FANK1: variants seen among roughly 807,000 people sequenced by gnomAD.
FANK1 encodes the protein fibronectin type 3 and ankyrin repeat domains protein 1.
FANK1 carries 44 observed loss-of-function variants against 45.3 expected under a neutral mutation model. That is an observed-to-expected ratio of 0.97 (90% CI 0.76 to 1.25). The LOEUF is 1.25. Among genes scored for constraint, FANK1 ranks in the 50% most tolerant of loss-of-function variants. FANK1 has a pLI of 0.00. For missense variants in FANK1, 391 were observed against 424.4 expected, an observed-to-expected ratio of 0.92 and a Z score of 0.69; for synonymous variants, 149 against 152.5, an observed-to-expected ratio of 0.98 and a Z score of 0.17.
intron 1 of FANK1, among the ~76,000 whole-genome samples, chr10:125,929,223 G>A (rs779042918): frequency 1.3e-5 from 2 of 152,212 alleles, no homozygotes; most frequent in African/African-American, 2.4e-5. Flanking sequence ...GACAAGCTAT[G>A]GGAGAGCGAG....
chr10:125,994,506 T>A, intron 3 of FANK1: 1 of 985,350 alleles, frequency 1.0e-6, no homozygotes. Context: ...TGGGGCTGTA[T>A]CCACTGACGA....
chr10:125,993,769 G>C (rs1364129130), intron 3 of FANK1, among the ~76,000 whole-genome samples: 2 of 152,172 alleles, frequency 1.3e-5, no homozygotes, highest in African/African-American at 2.4e-5. Flanking sequence ...TGTGTAGAAT[G>C]ATGAAAAGGA....
At chr10:125,931,389 A>AT (rs1947742094) in intron 1 of FANK1, among the ~76,000 whole-genome samples, 1 of 151,958 alleles carries the variant, frequency 6.6e-6, no homozygotes, top group Non-Finnish European at 1.5e-5. Flanking sequence ...CTGTTTTTTG[A>AT]TTTTTTGATT....
At chr10:125,958,118 A>T (rs1949697423) in intron 1 of FANK1, among the ~76,000 whole-genome samples, 1 of 152,138 alleles carries the variant, frequency 6.6e-6, no homozygotes, top group Admixed American at 6.5e-5. Context: ...TAGTCATTCT[A>T]CAGTACTGTA....
chr10:126,002,763 C>CTTTT (rs375158618), intron 6 of FANK1, among the ~76,000 whole-genome samples: 8 of 113,202 alleles, frequency 7.1e-5, no homozygotes, highest in East Asian at 2.6e-4. Context: ...TTTGCCTCTC[C>CTTTT]TTTTTTTTTT....
At chr10:125,988,830 C>A in intron 3 of FANK1, 155 bp downstream of exon 3, 1 of 1,160,620 alleles carries the variant, frequency 8.6e-7, no homozygotes, top group East Asian at 2.4e-5. Flanking sequence ...TGGGCCTTGC[C>A]ATAACTTGTA....
chr10:125,990,740 A>G (rs182561363), intron 3 of FANK1, among the ~76,000 whole-genome samples: 24 of 152,270 alleles, frequency 1.6e-4, no homozygotes, highest in Non-Finnish European at 3.4e-4. Context: ...GTGTGTTCTC[A>G]CACTGCTAAT....
At chr10:125,988,401 T>G in intron 2 of FANK1, 150 bp from the exon 3 acceptor site, 1 of 1,102,764 alleles carries the variant, frequency 9.1e-7, no homozygotes, top group Non-Finnish European at 1.3e-6. Context: ...GACTTGTCCT[T>G]CATTCTCTCG....
At chr10:125,963,703 T>A (rs1950054082) in intron 1 of FANK1, among the ~76,000 whole-genome samples, 1 of 151,914 alleles carries the variant, frequency 6.6e-6, no homozygotes, top group South Asian at 2.1e-4. Context: ...TGAGAACACT[T>A]GAACACAGGA....
intron 1 of FANK1, among the ~76,000 whole-genome samples, chr10:125,902,639 C>T (rs567474058): frequency 5.8e-4 from 89 of 152,268 alleles, no homozygotes; most frequent in African/African-American, 2.0e-3. Context: ...CTAACCTAAA[C>T]GAGATGTTTT....
Position 125,972,893 on chromosome 10 carries a change from AACAC to A in FANK1, c.14-7231_14-7228del, listed in dbSNP as rs150851164. On this transcript the variant is annotated intron_variant, in intron 1 of 10. Transcript: ENST00000368693. ...TACATTTGGATCACTACCTGCCCCC[AACAC>A]ACACACACACACACACACACACACA... 861 of 142,392 alleles carry A rather than the reference AACAC, an allele frequency of 6.0e-3. 11 individuals carry two copies. The highest frequency in any genetic ancestry group is 0.058 in the East Asian group (275 of 4,736). 8.8% of individuals were successfully genotyped at this position (142,392 alleles called of 1,614,324 possible). A position where few individuals can be genotyped will look rare whatever the true frequency, so the allele number is the denominator to read the frequency against.
chr10:125,999,793 G>A (rs539897623), intron 6 of FANK1, among the ~76,000 whole-genome samples: 13 of 152,242 alleles, frequency 8.5e-5, no homozygotes, highest in South Asian at 2.1e-4. Context: ...TGAAAAATGC[G>A]TTAAAACAGT....
chr10:125,969,630 AT>A lies in FANK1; in HGVS notation c.14-10523del, dbSNP rs554188002. On this transcript the variant is annotated intron_variant, in intron 1 of 10. Coordinates refer to ENST00000368693, the MANE Select transcript of FANK1 (RefSeq NM_145235.5). ...CTTTTGAATTTTTCTTTTTTTTTAAATTTTTTTTAGTATTTATTGATCATTC... is the reference window on the plus strand; with the variant it reads ...CTTTTGAATTTTTCTTTTTTTTTAAATTTTTTTAGTATTTATTGATCATTC... Among the ~76,000 whole-genome samples, 250 of 152,028 alleles carry A rather than the reference AT, an allele frequency of 1.6e-3. 1 individual carries two copies. The highest frequency in any genetic ancestry group is 9.2e-3 in the South Asian group (44 of 4,802).
intron 1 of FANK1, among the ~76,000 whole-genome samples, chr10:125,948,197 T>TA (rs1381938764): frequency 4.1e-5 from 6 of 146,544 alleles, no homozygotes; most frequent in Admixed American, 4.1e-4. Context: ...ACATCACAAT[T>TA]AAAAGAACTA....
chr10:125,989,499 C>CA, intron 3 of FANK1: 2 of 864,854 alleles, frequency 2.3e-6, no homozygotes, highest in Non-Finnish European at 3.8e-6. Flanking sequence ...TTCTTCATTA[C>CA]AAGTTTTGTG....
chr10:125,982,511 C>A (rs1247040919), intron 2 of FANK1, among the ~76,000 whole-genome samples: 4 of 152,240 alleles, frequency 2.6e-5, no homozygotes, highest in Non-Finnish European at 5.9e-5. Flanking sequence ...CGCTAGGTGG[C>A]AGAATTAGGC....
chr10:125,918,610 T>A (rs866153367), intron 1 of FANK1, among the ~76,000 whole-genome samples: 1 of 104,274 alleles, frequency 9.6e-6, no homozygotes, highest in African/African-American at 4.2e-5. Context: ...ATATATATAG[T>A]TATATATACT....
chr10:125,907,532 T>C lies in FANK1; in HGVS notation c.13+10877T>C, dbSNP rs1180876558. 4.1e-6 allele frequency: 4 copies of C among 985,118 alleles called. No homozygotes were observed. In the East Asian group the frequency reaches 4.5e-4, roughly 112 times the overall value. 61.0% of individuals were successfully genotyped at this position (985,118 alleles called of 1,614,324 possible). On this transcript the variant is annotated intron_variant, in intron 1 of 10. Transcript: ENST00000368693. ...GTAGGATCTGTGACTTGTTTCTAAC[T>C]GACGTAATATTGCAAATGTGATGGG...
intron 1 of FANK1, among the ~76,000 whole-genome samples, chr10:125,936,504 C>T (rs1234160757): frequency 6.6e-6 from 1 of 150,808 alleles, no homozygotes; most frequent in Non-Finnish European, 1.5e-5. Context: ...CGGATTCAAT[C>T]TCCATGCTTG....
Sources: gnomAD v4.1 joint callset for allele counts (sites outside exome capture counted in the v4.1 genomes callset) on GRCh38, gnomAD v4.1.1 for gene constraint, MANE v1.5 for transcripts, NCBI Gene and HGNC (gene_info 2026-07-23, HGNC 2026-07-21) for gene names.